Variants in C1orf87 observed in about 807,000 individuals in gnomAD.
C1orf87 encodes chromosome 1 open reading frame 87.
In C1orf87, 58 loss-of-function variants were observed where a neutral mutation model predicts 60.5. The ratio of observed to expected loss-of-function variants is 0.96; its 90% CI spans 0.78 to 1.19. The LOEUF is 1.19. Ranked by LOEUF, C1orf87 falls within the 50% of genes most tolerant of loss-of-function variation. The probability of loss-of-function intolerance (pLI) is 0.00; values close to 1 mark genes in which losing one functional copy is unlikely to be tolerated. For synonymous variants in C1orf87, 236 were observed against 227.4 expected, an observed-to-expected ratio of 1.04 and a Z score of -0.34; for missense variants, 673 against 638.6, an observed-to-expected ratio of 1.05 and a Z score of -0.58.
intron 8 of C1orf87, among the ~76,000 whole-genome samples, chr1:60,011,572 C>T (rs1458944532): frequency 2.0e-5 from 3 of 151,998 alleles, no homozygotes; most frequent in Non-Finnish European, 2.9e-5. Flanking sequence ...CTTGTGTTAG[C>T]AAAAGACAGT....
intron 11 of C1orf87, among the ~76,000 whole-genome samples, chr1:59,991,510 C>CT (rs141008305): frequency 3.3e-5 from 5 of 151,932 alleles, no homozygotes; most frequent in African/African-American, 7.3e-5. Context: ...AAAATTTGTA[C>CT]TTTTTTTTGT....
intron 3 of C1orf87, among the ~76,000 whole-genome samples, chr1:60,052,778 G>A (rs1645423392): frequency 6.6e-6 from 1 of 152,168 alleles, no homozygotes; most frequent in South Asian, 2.1e-4. Context: ...AGTTCTGATT[G>A]GTGTGCTTTT....
chr1:60,037,775 G>T (rs1206673957), intron 6 of C1orf87, among the ~76,000 whole-genome samples: 1 of 152,224 alleles, frequency 6.6e-6, no homozygotes, highest in Non-Finnish European at 1.5e-5. Context: ...GCCATGTGGG[G>T]ATACAGGGAG....
intron 8 of C1orf87, chr1:60,010,708 A>G (rs1015584460): frequency 1.9e-5 from 6 of 321,378 alleles, no homozygotes; most frequent in Non-Finnish European, 3.4e-5. Context: ...GATGTGGTCC[A>G]GAGATCAGGG....
chr1:59,994,293 C>T (rs1381222544), intron 11 of C1orf87, among the ~76,000 whole-genome samples: 3 of 151,310 alleles, frequency 2.0e-5, no homozygotes, highest in South Asian at 2.1e-4. Flanking sequence ...CAAGCAAAAT[C>T]GTGTGCTCTT....
rs902806191 is a variant in C1orf87, at chr1:60,071,768, T to C, written c.107+769A>G. 2.6e-5 allele frequency among the ~76,000 whole-genome samples: 4 copies of C among 152,338 alleles called. No homozygotes were observed. The South Asian group carries it at 6.2e-4, about 24-fold the overall frequency. ...GCAAAAATTTCTTCTTGCACCTATGTTCAACAATACCATATCTTTGTATAT... is the reference window on the plus strand; with the variant it reads ...GCAAAAATTTCTTCTTGCACCTATGCTCAACAATACCATATCTTTGTATAT... On this transcript the variant is annotated intron_variant, in intron 2 of 11. Coordinates refer to ENST00000371201, the MANE Select transcript of C1orf87 (RefSeq NM_152377.3).
intron 10 of C1orf87, among the ~76,000 whole-genome samples, chr1:60,000,053 G>T (rs1301636252): frequency 1.3e-5 from 2 of 152,178 alleles, no homozygotes; most frequent in Non-Finnish European, 2.9e-5. Context: ...AGATCCAGAG[G>T]TTGAGCCTGT....
At chr1:60,035,167 C>T (rs1323546408) in intron 6 of C1orf87, among the ~76,000 whole-genome samples, 1 of 152,174 alleles carries the variant, frequency 6.6e-6, no homozygotes, top group Non-Finnish European at 1.5e-5. Context: ...TTTGCTTTAC[C>T]AGCCTCTCTT....
intron 2 of C1orf87, among the ~76,000 whole-genome samples, chr1:60,060,736 T>C (rs1343738915): frequency 6.6e-6 from 1 of 152,084 alleles, no homozygotes; most frequent in African/African-American, 2.4e-5. Flanking sequence ...TCTATTCTGA[T>C]AAAGCAATCA....
At chr1:60,037,218 C>T (rs979457119) in intron 6 of C1orf87, among the ~76,000 whole-genome samples, 4 of 152,168 alleles carry the variant, frequency 2.6e-5, no homozygotes, top group Admixed American at 1.3e-4. Flanking sequence ...CATGGACTGA[C>T]TGCATCCCCT....
intron 2 of C1orf87, among the ~76,000 whole-genome samples, chr1:60,071,968 ACT>A (rs1645587181): frequency 3.3e-5 from 5 of 152,156 alleles, no homozygotes; most frequent in Non-Finnish European, 5.9e-5. Flanking sequence ...AGCTAGTCAT[ACT>A]GTTCTGTGCT....
At chr1:60,059,380 G>A (rs1425884674) in intron 2 of C1orf87, among the ~76,000 whole-genome samples, 1 of 152,204 alleles carries the variant, frequency 6.6e-6, no homozygotes, top group Non-Finnish European at 1.5e-5. Flanking sequence ...GGGGTGCCGT[G>A]AAGAGTTTAG....
chr1:59,993,982 CT>C (rs1490379865), intron 11 of C1orf87, among the ~76,000 whole-genome samples: 17 of 152,092 alleles, frequency 1.1e-4, no homozygotes, highest in African/African-American at 4.1e-4. Context: ...TGGTCTCGAA[CT>C]CCTGACCTCA....
chr1:60,019,764 C>T (rs549235157), intron 8 of C1orf87, among the ~76,000 whole-genome samples: 1 of 152,138 alleles, frequency 6.6e-6, no homozygotes, highest in Non-Finnish European at 1.5e-5. Context: ...CAGCATTTTG[C>T]CCTTGCCTTA....
chr1:60,064,179 A>G (rs1469352765), intron 2 of C1orf87, among the ~76,000 whole-genome samples: 1 of 149,790 alleles, frequency 6.7e-6, no homozygotes, highest in African/African-American at 2.5e-5. Flanking sequence ...CTTGTTCTTC[A>G]CCTTGTGATG....
chr1:60,033,698 C>A, intron 6 of C1orf87, 57 bp from the exon 7 acceptor site: 1 of 1,548,972 alleles, frequency 6.5e-7, no homozygotes, highest in Non-Finnish European at 8.8e-7. Flanking sequence ...AAGGCAGCTG[C>A]ATGCTTTCCT....
At chr1:60,059,890 C>T (rs1645482729) in intron 2 of C1orf87, among the ~76,000 whole-genome samples, 1 of 152,106 alleles carries the variant, frequency 6.6e-6, no homozygotes, top group South Asian at 2.1e-4. Context: ...AAAGCATGTT[C>T]TTATTTGTAA....
At chr1:60,015,879 G>C (rs563951371) in intron 8 of C1orf87, among the ~76,000 whole-genome samples, 69 of 152,282 alleles carry the variant, frequency 4.5e-4, no homozygotes, top group Non-Finnish European at 7.9e-4. Flanking sequence ...AGCCTCCAGA[G>C]TAGCTGAGAC....
rs771580491 is a variant in C1orf87 at position 60,033,590 on chromosome 1, C to T, written c.915G>A (p.Leu305=). The T allele has an allele frequency of 1.2e-5, 19 of 1,613,310 alleles. No individual in the cohort carries two copies. Among genetic ancestry groups the T allele is most frequent in the Admixed American group, 6.7e-5 (4 of 59,912 alleles). The part of the protein sequence containing the change: ...SSQPEVNRSL[L]EILKMALRTT... ...TCCTTAGTGCCATCTTCAAAATCTCCAACAGACTCCTGTTCACTTCTGGCT... is the reference window on the plus strand; with the variant it reads ...TCCTTAGTGCCATCTTCAAAATCTCTAACAGACTCCTGTTCACTTCTGGCT... The change falls in exon 7 of 12, where the codon TTG becomes TTA. Residue 305 remains leucine (L), a synonymous_variant. Coordinates refer to ENST00000371201, the MANE Select transcript of C1orf87 (RefSeq NM_152377.3).
Sources: gnomAD v4.1 joint callset for allele counts (sites outside exome capture counted in the v4.1 genomes callset) on GRCh38, gnomAD v4.1.1 for gene constraint, MANE v1.5 for transcripts, NCBI Gene and HGNC (gene_info 2026-07-23, HGNC 2026-07-21) for gene names.